Variants in OPHN1 observed in about 807,000 individuals in gnomAD.
The protein encoded by OPHN1 is oligophrenin 1.
In OPHN1, 11 loss-of-function variants were observed where a neutral mutation model predicts 60.7. The observed-to-expected ratio is 0.18, with a 90% CI of 0.11 to 0.30. The LOEUF is 0.30. Among genes scored for constraint, OPHN1 ranks in the 10% least tolerant of loss-of-function variants. OPHN1 has a pLI of 1.00. For missense variants in OPHN1, 449 were observed against 611.0 expected (o/e 0.73, Z 2.80); for synonymous variants, 226 against 222.6 (o/e 1.02, Z -0.14).
chrX:68,220,422 C>A (rs1439531589), intron 6 of OPHN1, among the ~76,000 whole-genome samples: 10 of 111,334 alleles, frequency 9.0e-5, no homozygotes, highest in Non-Finnish European at 5.7e-5. Context: ...TCCTCCCTAA[C>A]TCATTTCATG....
intron 2 of OPHN1, among the ~76,000 whole-genome samples, chrX:68,359,087 C>G (rs929430200): frequency 3.6e-5 from 4 of 112,007 alleles, no homozygotes; most frequent in Non-Finnish European, 7.5e-5. Flanking sequence ...TTTTACTTAT[C>G]TCTGCTTTTT....
intron 5 of OPHN1, among the ~76,000 whole-genome samples, chrX:68,236,546 C>A (rs775912244): frequency 6.3e-5 from 7 of 111,786 alleles, no homozygotes; most frequent in African/African-American, 2.3e-4. Context: ...CATTAGTAAT[C>A]ATTTTCCATT....
chrX:68,369,112 G>A (rs1309909330), intron 2 of OPHN1, among the ~76,000 whole-genome samples: 1 of 110,412 alleles, frequency 9.1e-6, no homozygotes, highest in African/African-American at 3.3e-5. Context: ...GGAGGCTGAG[G>A]CAGGAGAATC....
At chrX:68,217,226 T>G (rs2077615952) in intron 6 of OPHN1, among the ~76,000 whole-genome samples, 1 of 111,927 alleles carries the variant, frequency 8.9e-6, no homozygotes, top group South Asian at 3.7e-4. Flanking sequence ...CCGACGGGCT[T>G]AAAAAACGGA....
rs140329499 is a variant in OPHN1, at chrX:68,426,891, C to G, written c.154+5976G>C. Reference sequence around the variant, plus strand: ...GTGAGACTCTGTCTCTTAAAACAAACAAAAAAAAAAAAACAAAAACATACT... The same window carrying G: ...GTGAGACTCTGTCTCTTAAAACAAAGAAAAAAAAAAAAACAAAAACATACT... On this transcript the variant is annotated intron_variant, in intron 2 of 24. Coordinates refer to ENST00000355520, the MANE Select transcript of OPHN1 (RefSeq NM_002547.3). Among the ~76,000 whole-genome samples, 12 of 17,135 alleles carry G rather than the reference C, an allele frequency of 7.0e-4. No individual in the cohort carries two copies. The Non-Finnish European group carries it at 7.2e-3, about 10-fold the overall frequency. The allele number at this position is 17,135 out of a possible 115,157, so 14.9% of individuals were successfully genotyped here.
At chrX:68,176,633 TA>T (rs1350119102) in intron 15 of OPHN1, among the ~76,000 whole-genome samples, 1 of 111,842 alleles carries the variant, frequency 8.9e-6, no homozygotes, top group African/African-American at 3.2e-5. Context: ...TGGTGGTTCC[TA>T]AAAAACTAGA....
At chrX:68,174,629 ACT>A (rs2077406393) in intron 15 of OPHN1, among the ~76,000 whole-genome samples, 4 of 108,099 alleles carry the variant, frequency 3.7e-5, no homozygotes, top group Admixed American at 1.0e-4. Flanking sequence ...AAGCCACCAC[ACT>A]CAGCTAATTT....
intron 2 of OPHN1, among the ~76,000 whole-genome samples, chrX:68,419,071 G>A (rs932932447): frequency 9.6e-4 from 106 of 110,113 alleles, no homozygotes; most frequent in African/African-American, 3.4e-3. Context: ...GCAGTGGTGC[G>A]ATCTCGGCTC....
At chrX:68,245,726 A>T (rs745333735) in intron 5 of OPHN1, among the ~76,000 whole-genome samples, 5 of 112,794 alleles carry the variant, frequency 4.4e-5, no homozygotes, top group Non-Finnish European at 9.4e-5. Context: ...ATTTTGTGTG[A>T]ATCACACCCT....
chrX:68,156,372 T>G (rs1350877497), intron 15 of OPHN1, among the ~76,000 whole-genome samples: 1 of 102,094 alleles, frequency 9.8e-6, no homozygotes, highest in Non-Finnish European at 2.0e-5. Context: ...AGAAAAAAGA[T>G]AAAATAAATA....
chrX:68,217,156 A>C (rs749277777), intron 6 of OPHN1, among the ~76,000 whole-genome samples: 1 of 111,867 alleles, frequency 8.9e-6, no homozygotes, highest in Non-Finnish European at 1.9e-5. Flanking sequence ...TGAGTCAAAG[A>C]AAGGGGTGAC....
At chrX:68,210,102 G>C (rs373040529) in intron 9 of OPHN1, 51 bp downstream of exon 9, 52 of 1,191,041 alleles carry the variant, frequency 4.4e-5, no homozygotes, top group Admixed American at 2.0e-4. Flanking sequence ...ACAAGTGGCA[G>C]TAGTTCCTGG....
chrX:68,320,973 G>A (rs1395195991), intron 2 of OPHN1, among the ~76,000 whole-genome samples: 1 of 112,120 alleles, frequency 8.9e-6, no homozygotes, highest in East Asian at 2.8e-4. Flanking sequence ...GAGGAACAGG[G>A]CTTCCCTTCC....
chrX:68,124,379 C>A (rs1475315575), intron 15 of OPHN1, among the ~76,000 whole-genome samples: 3 of 110,808 alleles, frequency 2.7e-5, no homozygotes, highest in Non-Finnish European at 5.7e-5. Flanking sequence ...ATAATACACC[C>A]AATGCTGGAG....
In OPHN1 at chrX:68,327,930, C is replaced by T. The variant is rs1290151130; in HGVS notation, c.155-28834G>A. 2.4e-4 allele frequency among the ~76,000 whole-genome samples: 25 copies of T among 103,080 alleles called. No individual in the cohort carries two copies. In the East Asian group the frequency reaches 7.4e-3, roughly 31 times the overall value. 89.5% of individuals were successfully genotyped at this position (103,080 alleles called of 115,157 possible). The stretch of plus-strand genomic sequence containing the variant: ...CTGCAAGCTCCGCTTCCTGGGTTCA[C>T]GCCATTCTCCTGCCTCAGCCTCCCG... On this transcript the variant is annotated intron_variant, in intron 2 of 24. Coordinates refer to ENST00000355520, the MANE Select transcript of OPHN1 (RefSeq NM_002547.3).
chrX:68,229,744 C>T (rs1414027427), intron 6 of OPHN1, among the ~76,000 whole-genome samples: 1 of 112,287 alleles, frequency 8.9e-6, no homozygotes, highest in Non-Finnish European at 1.9e-5. Context: ...CTTCCTTACA[C>T]CTTATACAAA....
intron 15 of OPHN1, among the ~76,000 whole-genome samples, chrX:68,142,716 G>A (rs1190452564): frequency 8.9e-6 from 1 of 112,057 alleles, no homozygotes. Context: ...TCTCAGACAT[G>A]GTATGTGTGT....
intron 2 of OPHN1, among the ~76,000 whole-genome samples, chrX:68,302,734 A>G (rs2078126776): frequency 9.0e-6 from 1 of 111,334 alleles, no homozygotes; most frequent in Non-Finnish European, 1.9e-5. Context: ...CCTGGGCAAT[A>G]TAGTGAAACC....
At position 68,192,736 on chromosome X, in the gene OPHN1, CAG is replaced by C. The variant is rs1246071151; in HGVS notation, c.1276+181_1276+182del. The stretch of plus-strand genomic sequence containing the variant: ...ATGGGATACGAGGAAGGAGAGATAA[CAG>C]CCATTTTCAAGGTACGATTGACTCT... On this transcript the variant is annotated intron_variant, in intron 15 of 24. Transcript: ENST00000355520. The C allele has an allele frequency of 1.1e-5, 5 of 438,584 alleles. No individual in the cohort carries two copies. In the African/African-American group the frequency reaches 1.2e-4, roughly 11 times the overall value. 36.1% of individuals were successfully genotyped at this position (438,584 alleles called of 1,213,427 possible).
Sources: allele counts gnomAD v4.1 joint callset (sites outside exome capture counted in the v4.1 genomes callset), GRCh38; gene constraint gnomAD v4.1.1; transcripts MANE v1.5; gene names NCBI Gene and HGNC (gene_info 2026-07-23, HGNC 2026-07-21).